The following ODAD2 variants were observed in gnomAD, a reference collection of about 807,000 sequenced individuals.
The protein encoded by ODAD2 is outer dynein arm-docking complex subunit 2.
Under a neutral mutation model 106.8 loss-of-function variants are expected in ODAD2, and 89 were observed. That is an observed-to-expected ratio of 0.83 (90% CI 0.70 to 0.99). The LOEUF (loss-of-function observed/expected upper bound fraction) is 0.99. ODAD2 is among the 50% of genes least tolerant of loss of function. The probability of loss-of-function intolerance (pLI) is 0.00; values close to 1 mark genes in which losing one functional copy is unlikely to be tolerated. For synonymous variants in ODAD2, 404 were observed against 436.2 expected (o/e 0.93, Z 0.92); for missense variants, 1,168 against 1,238.5 (o/e 0.94, Z 0.85).
intron 10 of ODAD2, among the ~76,000 whole-genome samples, chr10:27,947,851 C>G (rs182744669): frequency 6.2e-4 from 94 of 152,306 alleles, no homozygotes; most frequent in African/African-American, 2.2e-3. Flanking sequence ...TCCTAACATT[C>G]TTAATCGCTC....
At position 27,838,535 on chromosome 10, in the gene ODAD2, C is replaced by T. The variant is rs572681927; in HGVS notation, c.3021+22090G>A. ...TAACCAAACAATTACAAGAAGCTGC[C>T]GGTGTATTTCTGTGGTTTAGCAAAA... On this transcript the variant is annotated intron_variant, in intron 19 of 19. Coordinates refer to ENST00000305242, the MANE Select transcript of ODAD2 (RefSeq NM_018076.5). Among the ~76,000 whole-genome samples the T allele has an allele frequency of 3.3e-5, 5 of 152,196 alleles. No individual in the cohort carries two copies. In the South Asian group the frequency reaches 8.3e-4, roughly 25 times the overall value.
chr10:27,964,184 T>C (rs1448768642), intron 9 of ODAD2, among the ~76,000 whole-genome samples: 1 of 152,200 alleles, frequency 6.6e-6, no homozygotes, highest in Non-Finnish European at 1.5e-5. Context: ...ATCGTGCTAC[T>C]GCACTCCAGC....
chr10:27,899,988 G>A (rs1467930560), intron 17 of ODAD2, among the ~76,000 whole-genome samples: 1 of 152,198 alleles, frequency 6.6e-6, no homozygotes, highest in Non-Finnish European at 1.5e-5. Context: ...GCCTCCTCAA[G>A]TCGGTCTCTG....
intron 19 of ODAD2, among the ~76,000 whole-genome samples, chr10:27,821,990 T>TA (rs1836651823): frequency 6.6e-6 from 1 of 152,214 alleles, no homozygotes; most frequent in Admixed American, 6.5e-5. Flanking sequence ...CAGAGCACTT[T>TA]AAAACATCAT....
intron 19 of ODAD2, among the ~76,000 whole-genome samples, chr10:27,854,039 G>A (rs1004077504): frequency 6.6e-6 from 1 of 152,054 alleles, no homozygotes; most frequent in African/African-American, 2.4e-5. Context: ...AAAACCCAAT[G>A]ATAAGAAAAC....
At chr10:27,814,098 G>T (rs1835943102) in intron 19 of ODAD2, among the ~76,000 whole-genome samples, 1 of 152,144 alleles carries the variant, frequency 6.6e-6, no homozygotes. Flanking sequence ...GAAAAATTAG[G>T]CTCACAGACA....
chr10:27,842,027 C>T (rs1345743319), intron 19 of ODAD2, among the ~76,000 whole-genome samples: 1 of 152,126 alleles, frequency 6.6e-6, no homozygotes, highest in Non-Finnish European at 1.5e-5. Flanking sequence ...AAACACTTTC[C>T]CTCTGGCTGC....
chr10:27,939,682 G>GT (rs1386543341), intron 14 of ODAD2, among the ~76,000 whole-genome samples: 2 of 152,006 alleles, frequency 1.3e-5, no homozygotes, highest in Non-Finnish European at 2.9e-5. Flanking sequence ...AAGTGACAGT[G>GT]AGCTATGATT....
Position 27,993,658 on chromosome 10 carries a change from A to T in ODAD2, c.224+1261T>A, listed in dbSNP as rs755846295. Among the ~76,000 whole-genome samples the T allele has an allele frequency of 3.9e-4, 59 of 152,302 alleles. No individual in the cohort carries two copies. The Middle Eastern group carries it at 0.017, about 44-fold the overall frequency. On this transcript the variant is annotated intron_variant, in intron 2 of 19. Transcript: ENST00000305242. ...GAGCGAGACTCTGTCTCCAGAAAAAAAAATAAATAAATAAATATGACTTCA... is the reference window on the plus strand; with the variant it reads ...GAGCGAGACTCTGTCTCCAGAAAAATAAATAAATAAATAAATATGACTTCA...
intron 19 of ODAD2, among the ~76,000 whole-genome samples, chr10:27,824,966 A>C (rs1836921141): frequency 6.6e-6 from 1 of 152,204 alleles, no homozygotes; most frequent in Non-Finnish European, 1.5e-5. Context: ...TTCCTACTTG[A>C]CATCTCCACT....
chr10:27,896,488 A>G (rs1449488642), intron 17 of ODAD2, among the ~76,000 whole-genome samples: 1 of 152,216 alleles, frequency 6.6e-6, no homozygotes, highest in African/African-American at 2.4e-5. Flanking sequence ...AGAGAGATAG[A>G]TAAGCAGGCC....
intron 7 of ODAD2, among the ~76,000 whole-genome samples, chr10:27,977,754 A>C (rs139446159): frequency 6.2e-4 from 95 of 152,346 alleles, no homozygotes; most frequent in African/African-American, 2.2e-3. Context: ...ACACTTTACC[A>C]CATAGGATAT....
chr10:27,893,330 G>A (rs1842679054), intron 17 of ODAD2, among the ~76,000 whole-genome samples: 1 of 152,144 alleles, frequency 6.6e-6, no homozygotes, highest in Non-Finnish European at 1.5e-5. Flanking sequence ...GATAACATCT[G>A]GTTTGAACAG....
chr10:27,997,804 G>A (rs541088260), intron 1 of ODAD2, among the ~76,000 whole-genome samples: 2 of 152,228 alleles, frequency 1.3e-5, no homozygotes, highest in South Asian at 2.1e-4. Flanking sequence ...GTTGCTCCCC[G>A]GTTTCTGCCC....
intron 12 of ODAD2, among the ~76,000 whole-genome samples, chr10:27,943,355 T>C (rs558175397): frequency 6.6e-6 from 1 of 151,944 alleles, no homozygotes; most frequent in African/African-American, 2.4e-5. Context: ...CTGAGAGCAA[T>C]TTGTGTGTTT....
At chr10:27,887,729 A>T (rs1010840869) in intron 17 of ODAD2, among the ~76,000 whole-genome samples, 1 of 152,098 alleles carries the variant, frequency 6.6e-6, no homozygotes, top group African/African-American at 2.4e-5. Context: ...GTAAGCAACC[A>T]GTGTGTCAAA....
At chr10:27,969,393 T>C (rs1848682553) in intron 8 of ODAD2, among the ~76,000 whole-genome samples, 1 of 152,300 alleles carries the variant, frequency 6.6e-6, no homozygotes, top group Non-Finnish European at 1.5e-5. Context: ...TTTCCAGGTA[T>C]TCGCAGGCTT....
At chr10:27,986,326 G>T (rs1405893205) in intron 3 of ODAD2, among the ~76,000 whole-genome samples, 3 of 152,172 alleles carry the variant, frequency 2.0e-5, no homozygotes, top group Non-Finnish European at 4.4e-5. Context: ...GAAACTAAGG[G>T]TTATACCAAA....
chr10:27,897,189 A>C, intron 17 of ODAD2, among the ~76,000 whole-genome samples: 1 of 150,468 alleles, frequency 6.6e-6, no homozygotes, highest in South Asian at 2.1e-4. Flanking sequence ...TCTTTACTTC[A>C]CTCTGTCATT....
Sources: allele counts gnomAD v4.1 joint callset (sites outside exome capture counted in the v4.1 genomes callset), GRCh38; gene constraint gnomAD v4.1.1; transcripts MANE v1.5; gene names NCBI Gene and HGNC (gene_info 2026-07-23, HGNC 2026-07-21).